The following LTK variants were observed in gnomAD, a reference collection of about 807,000 sequenced individuals.
The protein encoded by LTK is leukocyte receptor tyrosine kinase.
A neutral mutation model predicts 101.5 loss-of-function variants in LTK; 117 were observed. The observed-to-expected ratio is 1.15, with a 90% CI of 0.99 to 1.34. The LOEUF (loss-of-function observed/expected upper bound fraction) is 1.34. Ranked by LOEUF, LTK falls within the 40% of genes most tolerant of loss-of-function variation. LTK has a pLI of 0.00. For missense variants in LTK, 1,252 were observed against 1,164.7 expected (o/e 1.07, Z -1.09); for synonymous variants, 563 against 494.2 (o/e 1.14, Z -1.85).
At position 41,508,151 on chromosome 15, in the gene LTK, G is replaced by A. The variant is rs1186741961; in HGVS notation, c.1167C>T (p.Cys389=). ...CCAGCTGGAGCTCTGCCTGCCATTGGCAGTCTCTCAAAGGGCAGTGACTGC... is the reference window on the plus strand; with the variant it reads ...CCAGCTGGAGCTCTGCCTGCCATTGACAGTCTCTCAAAGGGCAGTGACTGC... ...LNCSHCPLRD[C]QWQAELQLAE... The change falls in exon 9 of 20, where the codon TGC becomes TGT. Residue 389 remains cysteine, a synonymous_variant. Transcript: ENST00000263800. 12 of 1,613,508 alleles carry A rather than the reference G, an allele frequency of 7.4e-6. No individual in the cohort carries two copies. Among genetic ancestry groups the A allele is most frequent in the Non-Finnish European group, 7.6e-6 (9 of 1,179,798 alleles).
In LTK at chr15:41,507,657, T is replaced by C. The variant is rs772421698; in HGVS notation, c.1250A>G (p.Asp417Gly). 1.2e-6 allele frequency: 2 copies of C among 1,612,614 alleles called. No homozygotes were observed. The highest frequency in any genetic ancestry group is 1.7e-6 in the Non-Finnish European group (2 of 1,179,490). ...ELAVDNVTCM[D>G]LHKPPGPLVL... Reference sequence around the variant, plus strand: ...CAGAGGGCCTGGGGGCTTGTGCAGGTCTAGGGAGAAAGAGAGACACCTCCA... The same window carrying C: ...CAGAGGGCCTGGGGGCTTGTGCAGGCCTAGGGAGAAAGAGAGACACCTCCA... Residue 417 changes from aspartate to glycine, a missense_variant and splice_region_variant, in exon 10 of 20, where the codon GAC (aspartate) becomes GGC (glycine). Physicochemically the swap from Asp to Gly is moderately conservative, Grantham distance 94. Transcript: ENST00000263800.
At chr15:41,504,480 C>T in intron 18 of LTK, 26 bp downstream of exon 18, 1 of 1,613,708 alleles carries the variant, frequency 6.2e-7, no homozygotes, top group Non-Finnish European at 8.5e-7. Flanking sequence ...TGAAGGACCT[C>T]CCTTCCCGGG....
At chr15:41,506,075 C>G (rs954142651) in intron 11 of LTK, 70 bp from the exon 12 acceptor site, 13 of 963,550 alleles carry the variant, frequency 1.3e-5, no homozygotes, top group Non-Finnish European at 2.2e-5. Flanking sequence ...TCTAGTACCC[C>G]CTTTACCTCC....
intron 11 of LTK, among the ~76,000 whole-genome samples, chr15:41,506,343 C>T (rs2051282119): frequency 6.6e-6 from 1 of 152,224 alleles, no homozygotes; most frequent in Non-Finnish European, 1.5e-5. Flanking sequence ...CTCACTCTGT[C>T]ATGCAGGCTG....
At chr15:41,504,300 T>A (rs316618) in intron 19 of LTK, 42 bp downstream of exon 19, 327,287 of 1,611,860 alleles carry the variant, frequency 0.2, 35,070 homozygotes, top group Middle Eastern at 0.22. Context: ...CCCTCCCTCC[T>A]GACCCACAAG....
chr15:41,508,094 T>C lies in LTK; in HGVS notation c.1224A>G (p.Leu408=), dbSNP rs1422128029. Residue 408 remains leucine (L), a synonymous_variant, in exon 9 of 20, where the codon CTA becomes CTG. Coordinates refer to ENST00000263800, the MANE Select transcript of LTK (RefSeq NM_002344.6). Reference sequence around the variant, plus strand: ...CCATGCAGGTGACGTTATCCACAGCTAGCTCCATGCCTTCTGGGCACAGGC... The same window carrying C: ...CCATGCAGGTGACGTTATCCACAGCCAGCTCCATGCCTTCTGGGCACAGGC... The part of the protein sequence containing the change: ...AECLCPEGME[L]AVDNVTCMDL... 6.2e-7 allele frequency: 1 copy of C among 1,611,496 alleles called. No individual in the cohort carries two copies. The highest frequency in any genetic ancestry group is 1.3e-5 in the African/African-American group (1 of 75,014).
rs926674310 is a variant in LTK, at chr15:41,512,210, C to T, written c.415G>A (p.Ala139Thr). The T allele has an allele frequency of 1.2e-6, 2 of 1,613,078 alleles. No homozygotes were observed. Among genetic ancestry groups the T allele is most frequent in the Admixed American group, 1.7e-5 (1 of 59,994 alleles). Residue 139 changes from alanine (A) to threonine (T), a missense_variant, in exon 4 of 20, where the codon GCG (alanine) becomes ACG (threonine). Transcript: ENST00000263800. ...GKGAKNHLSR[A>T]HGVFVSAIFS... is the part of the protein sequence containing the mutation. ...ATTGCTGAGACGAAGACGCCATGCGCCCGCGACAGGTGGTTCTTGGCGCCT... is the reference window on the plus strand; with the variant it reads ...ATTGCTGAGACGAAGACGCCATGCGTCCGCGACAGGTGGTTCTTGGCGCCT...
rs752032799 is a variant in LTK at position 41,505,381 on chromosome 15, G to GT, written c.1827+19_1827+20insA. 3.1e-6 allele frequency: 5 copies of GT among 1,613,464 alleles called. No homozygotes were observed. Among genetic ancestry groups the GT allele is most frequent in the East Asian group, 2.2e-5 (1 of 44,852 alleles). ...CAGGGTCTTTAGAGGGGCCTGGGGG[G>GT]GCTAAGACAAGGGTCTCACCAGGTG... On this transcript the variant is annotated intron_variant, in intron 14 of 19. Transcript: ENST00000263800.
chr15:41,505,567 G>A (rs1405666200), intron 13 of LTK, 37 bp from the exon 14 acceptor site: 2 of 1,612,824 alleles, frequency 1.2e-6, no homozygotes, highest in South Asian at 2.2e-5. Context: ...TTACCAGGAG[G>A]GAGACGGAAA....
In LTK at chr15:41,504,160, A is replaced by G. The variant is rs748994487; in HGVS notation, c.2431T>C (p.Ser811Pro). 2.5e-6 allele frequency: 4 copies of G among 1,613,868 alleles called. No individual in the cohort carries two copies. The East Asian group carries it at 8.9e-5, about 36-fold the overall frequency. The change falls in exon 20 of 20, where the codon TCT becomes CCT. Residue 811 changes from serine (S) to proline (P), a missense_variant. Transcript: ENST00000263800. ...EEGTSGLGNR[S>P]LECLRPPQPQ... ...TGTGGGGGTCTTAGGCACTCCAAAG[A>G]TCTGTTCCCCAGCCCAGAAGTCCCT...
Position 41,504,083 on chromosome 15 carries a change from A to G in LTK, c.2508T>C (p.Leu836=). The G allele has an allele frequency of 6.2e-7, 1 of 1,614,032 alleles. No homozygotes were observed. Among genetic ancestry groups the G allele is most frequent in the Non-Finnish European group, 8.5e-7 (1 of 1,180,028 alleles). ...EKLKSWGGSP[L]GPWLSSGLKP... is the part of the protein sequence containing the mutation. ...TGAGGCCAGAGGACAGCCAGGGGCC[A>G]AGAGGGCTACCTCCCCAGCTTTTCA... is the stretch of plus-strand genomic sequence containing the variant. The change falls in exon 20 of 20, where the codon CTT becomes CTC. Residue 836 remains leucine (L), a synonymous_variant. Transcript: ENST00000263800.
intron 17 of LTK, 44 bp downstream of exon 17, chr15:41,504,729 G>C (rs755420908): frequency 5.2e-6 from 8 of 1,540,410 alleles, no homozygotes; most frequent in African/African-American, 4.2e-5. Context: ...ATTAGCCTCA[G>C]GGGAGGGGAA....
At chr15:41,507,426 G>A in intron 10 of LTK, 136 bp from the exon 11 acceptor site, 1 of 1,529,686 alleles carries the variant, frequency 6.5e-7, no homozygotes, top group African/African-American at 1.4e-5. Context: ...TCCTATCTTA[G>A]AATCCCAGAG....
Position 41,511,589 on chromosome 15 carries a change from A to T in LTK, c.658-11T>A, listed in dbSNP as rs780064164. The T allele has an allele frequency of 4.4e-5, 63 of 1,435,864 alleles. No homozygotes were observed. Among genetic ancestry groups the T allele is most frequent in the Non-Finnish European group, 1.4e-5 (15 of 1,106,460 alleles). The allele number at this position is 1,435,864 out of a possible 1,614,324, so 88.9% of individuals were successfully genotyped here. On this transcript the variant is annotated splice_polypyrimidine_tract_variant and intron_variant, in intron 5 of 19. Transcript: ENST00000263800. The surrounding 1 kb of genome is among the most constrained non-coding windows in gnomAD (Gnocchi z 5.9). ...CTCGCCAGCGCGCACCTGTGGGGCC[A>T]GCGGCGTGTTCCAGGAAGCGCCCTC...
At position 41,503,642 on chromosome 15, in the gene LTK, G is replaced by A. The variant is rs762798386; in HGVS notation, c.*354C>T. On this transcript the variant is annotated 3_prime_UTR_variant, in exon 20 of 20. Transcript: ENST00000263800. The stretch of plus-strand genomic sequence containing the variant: ...CCCTGGCATCCACAGATCGCTGGAG[G>A]ATGAGAAGAGCTTTTTATTAGAAGC... 10 of 581,658 alleles carry A rather than the reference G, an allele frequency of 1.7e-5. No homozygotes were observed. Among genetic ancestry groups the A allele is most frequent in the Admixed American group, 5.6e-5 (3 of 53,252 alleles). 36.0% of individuals were successfully genotyped at this position (581,658 alleles called of 1,614,324 possible). A position where few individuals can be genotyped will look rare whatever the true frequency, so the allele number is the denominator to read the frequency against.
At chr15:41,512,012 G>T in intron 4 of LTK, 49 bp from the exon 5 acceptor site, 1 of 1,444,488 alleles carries the variant, frequency 6.9e-7, no homozygotes. Context: ...GCCTCCCCTC[G>T]CTGTGCTGGT....
Position 41,505,418 on chromosome 15 carries a change from G to A in LTK, c.1810C>T (p.His604Tyr). ...SGGDMKSFLR[H>Y]SRPHLGQPSP... ...GGTCTCACCAGGTGTGGCCGACTGT[G>A]CCTCAGGAAACTCTTCATGTCCCCT... is the stretch of plus-strand genomic sequence containing the variant. The change falls in exon 14 of 20, where the codon CAC becomes TAC. Residue 604 changes from histidine to tyrosine, a missense_variant. Coordinates refer to ENST00000263800, the MANE Select transcript of LTK (RefSeq NM_002344.6). 6.2e-7 allele frequency: 1 copy of A among 1,614,042 alleles called. No homozygotes were observed. Among genetic ancestry groups the A allele is most frequent in the Non-Finnish European group, 8.5e-7 (1 of 1,179,980 alleles).
chr15:41,507,339 T>C, intron 10 of LTK, 49 bp from the exon 11 acceptor site: 1 of 1,526,202 alleles, frequency 6.6e-7, no homozygotes, highest in Non-Finnish European at 8.8e-7. Flanking sequence ...CCATCAACTC[T>C]CCCTCCCCCA....
In LTK at chr15:41,509,083, A is replaced by G. The variant is rs751116407; in HGVS notation, c.1044T>C (p.Asp348=). 8.1e-6 allele frequency: 13 copies of G among 1,613,844 alleles called. No homozygotes were observed. In the African/African-American group the frequency reaches 1.5e-4, roughly 18 times the overall value. ...TGCTGGGGTGTATGAAGGATACTCC[A>G]TCTTCCCCATCAGCCCAGAGGTTGT... ...ETDNLWADGE[D]GVSFIHPSSE... The change falls in exon 8 of 20, where the codon GAT becomes GAC. Residue 348 remains aspartate (D), a synonymous_variant. Transcript: ENST00000263800.
Sources: gnomAD v4.1 joint callset for allele counts (sites outside exome capture counted in the v4.1 genomes callset) on GRCh38, gnomAD v4.1.1 for gene constraint, Gnocchi (gnomAD v3.1) non-coding constraint, MANE v1.5 for transcripts, NCBI Gene and HGNC (gene_info 2026-07-23, HGNC 2026-07-21) for gene names.